The following IGDCC3 variants were observed in gnomAD, a reference collection of about 807,000 sequenced individuals.
The protein encoded by IGDCC3 is putative neuronal cell adhesion molecule.
A neutral mutation model predicts 72.0 loss-of-function variants in IGDCC3; 47 were observed. That is an observed-to-expected ratio of 0.65 (90% CI 0.52 to 0.83). The LOEUF is 0.83. Ranked by LOEUF, IGDCC3 falls within the 40% of genes least tolerant of loss-of-function variation. The probability of loss-of-function intolerance (pLI) is 0.00; values close to 1 mark genes in which losing one functional copy is unlikely to be tolerated. For synonymous variants in IGDCC3, 477 were observed against 472.8 expected (o/e 1.01, Z -0.11); for missense variants, 1,038 against 1,091.3 (o/e 0.95, Z 0.69).
intron 2 of IGDCC3, among the ~76,000 whole-genome samples, chr15:65,358,104 ATT>A (rs35238946): frequency 0.012 from 1,642 of 139,840 alleles, 24 homozygotes; most frequent in African/African-American, 0.037. Flanking sequence ...TCCAAGACAT[ATT>A]TTTTTTTTTT....
rs747507323 is a variant in IGDCC3, at chr15:65,329,364, GGTTT to G, written c.2205+22_2205+25del. 3.9e-5 allele frequency: 62 copies of G among 1,570,172 alleles called. No individual in the cohort carries two copies. Among genetic ancestry groups the G allele is most frequent in the African/African-American group, 1.6e-4 (12 of 72,826 alleles). On this transcript the variant is annotated intron_variant, in intron 13 of 13. Coordinates refer to ENST00000327987, the MANE Select transcript of IGDCC3 (RefSeq NM_004884.4). The surrounding 1 kb of genome is among the most constrained non-coding windows in gnomAD (Gnocchi z 4.1). Reference sequence around the variant, plus strand: ...TGGCAGTGTCAGAGCCTGAGGCGGGGGTTTGTTTAAGACATGGGCACTCACTGTG... The same window carrying G: ...TGGCAGTGTCAGAGCCTGAGGCGGGGGTTTAAGACATGGGCACTCACTGTG...
chr15:65,370,538 T>A lies in IGDCC3; in HGVS notation c.409+4559A>T, dbSNP rs9744483. Among the ~76,000 whole-genome samples, 7 of 119,368 alleles carry A rather than the reference T, an allele frequency of 5.9e-5. No individual in the cohort carries two copies. In the East Asian group the frequency reaches 7.0e-4, roughly 12 times the overall value. The allele number at this position is 119,368 out of a possible 152,430, so 78.3% of individuals were successfully genotyped here. ...AAAATATATATATATATATATATATTTATATATATATGTGTGTGTGTATAT... is the reference window on the plus strand; with the variant it reads ...AAAATATATATATATATATATATATATATATATATATGTGTGTGTGTATAT... On this transcript the variant is annotated intron_variant, in intron 2 of 13. Transcript: ENST00000327987.
chr15:65,376,919 A>T (rs1263209334), intron 1 of IGDCC3, among the ~76,000 whole-genome samples: 1 of 152,136 alleles, frequency 6.6e-6, no homozygotes, highest in Non-Finnish European at 1.5e-5. Context: ...TAAAGGGAAC[A>T]GAGTGGTGGT....
At position 65,328,758 on chromosome 15, in the gene IGDCC3, G is replaced by T; in HGVS notation, c.*151C>A. ...GGGCCGGGGGGTCCCTGTCAAGGCT[G>T]CCTTGGGTTTTGACAACCCAAGAGG... On this transcript the variant is annotated 3_prime_UTR_variant, in exon 14 of 14. Transcript: ENST00000327987. 1 of 972,014 alleles carries T rather than the reference G, an allele frequency of 1.0e-6. No homozygotes were observed. The highest frequency in any genetic ancestry group is 2.9e-5 in the East Asian group (1 of 34,054). 60.2% of individuals were successfully genotyped at this position (972,014 alleles called of 1,614,324 possible).
chr15:65,337,011 C>A (rs2091035565), intron 2 of IGDCC3, among the ~76,000 whole-genome samples: 1 of 152,152 alleles, frequency 6.6e-6, no homozygotes, highest in South Asian at 2.1e-4. Context: ...CCAGAGGAAG[C>A]CCTCCCCCAC....
intron 2 of IGDCC3, among the ~76,000 whole-genome samples, chr15:65,350,110 T>C (rs1293603284): frequency 6.6e-6 from 1 of 152,174 alleles, no homozygotes; most frequent in Non-Finnish European, 1.5e-5. Context: ...TAATAAGAGA[T>C]CTGAAAGGAT....
At position 65,331,060 on chromosome 15, in the gene IGDCC3, G is replaced by A. The variant is rs762409532; in HGVS notation, c.1551C>T (p.Thr517=). The A allele has an allele frequency of 8.7e-6, 14 of 1,613,672 alleles. No homozygotes were observed. The highest frequency in any genetic ancestry group is 1.2e-5 in the Non-Finnish European group (14 of 1,179,842). The change falls in exon 9 of 14, where the codon ACC becomes ACT. Residue 517 remains threonine (T), a synonymous_variant. Transcript: ENST00000327987. ...SSASVPTLAS[T]LGEAPAPPPL... Reference sequence around the variant, plus strand: ...ACACCCAGGCCTCACCTTCACCCAGGGTGCTAGCTAGGGTGGGCACAGAGG... The same window carrying A: ...ACACCCAGGCCTCACCTTCACCCAGAGTGCTAGCTAGGGTGGGCACAGAGG...
intron 2 of IGDCC3, among the ~76,000 whole-genome samples, chr15:65,338,905 C>CT (rs574379094): frequency 1.0e-4 from 15 of 149,098 alleles, no homozygotes; most frequent in Admixed American, 2.0e-4. Context: ...AGTATTTTTT[C>CT]TTTTTTTTTT....
intron 2 of IGDCC3, among the ~76,000 whole-genome samples, chr15:65,346,054 T>G (rs1158392529): frequency 6.6e-6 from 1 of 152,204 alleles, no homozygotes; most frequent in Non-Finnish European, 1.5e-5. Context: ...CCACCCTTCC[T>G]ACTCACACTC....
chr15:65,334,052 C>T (rs532558321), intron 5 of IGDCC3, among the ~76,000 whole-genome samples: 1 of 150,892 alleles, frequency 6.6e-6, no homozygotes, highest in Non-Finnish European at 1.5e-5. Context: ...CCCATTCAGG[C>T]CCTGAAGTGG....
chr15:65,332,610 A>G (rs765285337), intron 6 of IGDCC3, among the ~76,000 whole-genome samples: 5 of 152,218 alleles, frequency 3.3e-5, no homozygotes, highest in Admixed American at 6.5e-5. Flanking sequence ...TTAACGGCAC[A>G]TGGAATGCTA....
At chr15:65,370,375 A>G (rs62015030) in intron 2 of IGDCC3, among the ~76,000 whole-genome samples, 9,964 of 151,164 alleles carry the variant, frequency 0.066, 734 homozygotes, top group East Asian at 0.41. Context: ...TTAGCCTGGC[A>G]TGGTGGCAGG....
intron 2 of IGDCC3, among the ~76,000 whole-genome samples, chr15:65,370,591 T>C (rs1436774493): frequency 3.2e-5 from 4 of 125,088 alleles, no homozygotes; most frequent in African/African-American, 1.2e-4. Context: ...TATGTATGTA[T>C]ATATATGTAT....
At chr15:65,373,334 G>C (rs1469031052) in intron 2 of IGDCC3, among the ~76,000 whole-genome samples, 1 of 152,174 alleles carries the variant, frequency 6.6e-6, no homozygotes, top group Non-Finnish European at 1.5e-5. Flanking sequence ...CATCTGCTCA[G>C]AGGCTGCACC....
intron 2 of IGDCC3, among the ~76,000 whole-genome samples, chr15:65,367,883 G>C (rs2091297923): frequency 6.6e-6 from 1 of 152,042 alleles, no homozygotes; most frequent in Non-Finnish European, 1.5e-5. Flanking sequence ...GCACACACCT[G>C]TATGCTCAGA....
chr15:65,335,991 GC>G, intron 2 of IGDCC3, 35 bp from the exon 3 acceptor site: 2 of 1,611,046 alleles, frequency 1.2e-6, no homozygotes, highest in Non-Finnish European at 1.7e-6. Flanking sequence ...GCAGTGCGCT[GC>G]TGAGGGCAGA....
intron 2 of IGDCC3, among the ~76,000 whole-genome samples, chr15:65,341,570 C>T (rs1352241939): frequency 6.6e-6 from 1 of 152,196 alleles, no homozygotes; most frequent in Non-Finnish European, 1.5e-5. Flanking sequence ...CATGCTACAA[C>T]AGGGATGAAC....
At chr15:65,372,664 C>T (rs2091334087) in intron 2 of IGDCC3, among the ~76,000 whole-genome samples, 1 of 152,098 alleles carries the variant, frequency 6.6e-6, no homozygotes, top group Non-Finnish European at 1.5e-5. Context: ...GCCCCCTCCC[C>T]ACGGGCCCCT....
intron 9 of IGDCC3, 31 bp downstream of exon 9, chr15:65,331,019 T>A: frequency 6.2e-7 from 1 of 1,608,786 alleles, no homozygotes; most frequent in Non-Finnish European, 8.5e-7. Context: ...AGTGAGTGCC[T>A]GTGGTTTTGT....
Sources: gnomAD v4.1 joint callset for allele counts (sites outside exome capture counted in the v4.1 genomes callset) on GRCh38, gnomAD v4.1.1 for gene constraint, Gnocchi (gnomAD v3.1) non-coding constraint, MANE v1.5 for transcripts, NCBI Gene and HGNC (gene_info 2026-07-23, HGNC 2026-07-21) for gene names.